The following JAM3 variants were observed in gnomAD, a reference collection of about 807,000 sequenced individuals.
The protein encoded by JAM3 is junctional adhesion molecule C.
In JAM3, 31 loss-of-function variants were observed where a neutral mutation model predicts 39.4. The ratio of observed to expected loss-of-function variants is 0.79; its 90% confidence interval spans 0.59 to 1.06. The LOEUF is 1.06. Among genes scored for constraint, JAM3 ranks in the 50% least tolerant of loss-of-function variants. JAM3 has a pLI of 0.00. For synonymous variants in JAM3, 182 were observed against 148.7 expected, an observed-to-expected ratio of 1.22 and a Z score of -1.63; for missense variants, 455 against 391.4, an observed-to-expected ratio of 1.16 and a Z score of -1.37.
intron 1 of JAM3, among the ~76,000 whole-genome samples, chr11:134,116,905 C>T (rs1230652301): frequency 6.6e-6 from 1 of 152,116 alleles, no homozygotes; most frequent in Non-Finnish European, 1.5e-5. Context: ...TTTCCCCTTG[C>T]ATATTCATTC....
chr11:134,085,893 G>T (rs533640483), intron 1 of JAM3, among the ~76,000 whole-genome samples: 43 of 152,292 alleles, frequency 2.8e-4, no homozygotes, highest in Admixed American at 1.2e-3. Flanking sequence ...TTTGGAAGGG[G>T]CTGACAAGTG....
Position 134,069,104 on chromosome 11 carries a change from G to A in JAM3, c.21G>A (p.Pro7=), listed in dbSNP as rs1247799635. The change falls in exon 1 of 9, where the codon CCG becomes CCA. Residue 7 remains proline (P), a synonymous_variant. Coordinates refer to ENST00000299106, the MANE Select transcript of JAM3 (RefSeq NM_032801.5). ...TCGACATGGCGCTGAGGCGGCCACCGCGACTCCGGCTCTGCGCTCGGCTGC... is the reference window on the plus strand; with the variant it reads ...TCGACATGGCGCTGAGGCGGCCACCACGACTCCGGCTCTGCGCTCGGCTGC... The part of the protein sequence containing the change: MALRRP[P]RLRLCARLPD... The A allele has an allele frequency of 1.9e-6, 3 of 1,612,010 alleles. No individual in the cohort carries two copies. Among genetic ancestry groups the A allele is most frequent in the Non-Finnish European group, 8.5e-7 (1 of 1,179,242 alleles).
At chr11:134,141,468 G>A (rs1942971604) in intron 3 of JAM3, among the ~76,000 whole-genome samples, 1 of 152,042 alleles carries the variant, frequency 6.6e-6, no homozygotes, top group Non-Finnish European at 1.5e-5. Context: ...GGGGGAGAGG[G>A]GCTGGAGAGG....
intron 1 of JAM3, among the ~76,000 whole-genome samples, chr11:134,120,365 T>A (rs1942508959): frequency 1.3e-5 from 2 of 152,144 alleles, no homozygotes; most frequent in Admixed American, 1.3e-4. Flanking sequence ...TAAATATAAC[T>A]CCTTAGAGAG....
intron 1 of JAM3, among the ~76,000 whole-genome samples, chr11:134,104,549 A>G (rs1023986957): frequency 7.2e-5 from 11 of 152,092 alleles, no homozygotes; most frequent in African/African-American, 2.7e-4. Flanking sequence ...AAACCCTTCA[A>G]AAAAATCAAT....
intron 5 of JAM3, 110 bp downstream of exon 5, chr11:134,145,104 G>A (rs1943047678): frequency 5.4e-6 from 5 of 921,190 alleles, no homozygotes; most frequent in Middle Eastern, 2.1e-4. Context: ...TAAGACAGGA[G>A]TCAAAAATCT....
At chr11:134,130,694 C>T (rs145947287) in intron 1 of JAM3, among the ~76,000 whole-genome samples, 18 of 152,346 alleles carry the variant, frequency 1.2e-4, no homozygotes, top group Non-Finnish European at 2.1e-4. Context: ...GCCCTACCCT[C>T]TCCCTGGCAT....
At chr11:134,070,295 C>G in intron 1 of JAM3, 1 of 438,238 alleles carries the variant, frequency 2.3e-6, no homozygotes, top group East Asian at 7.0e-5. Flanking sequence ...AGACCAGGAC[C>G]TTTTTCGGTT....
At chr11:134,106,925 G>A (rs1385155449) in intron 1 of JAM3, among the ~76,000 whole-genome samples, 10 of 152,140 alleles carry the variant, frequency 6.6e-5, no homozygotes, top group Admixed American at 2.6e-4. Flanking sequence ...ACAGTGTGGC[G>A]ATTCCTCAGG....
chr11:134,109,344 A>T (rs1774186750), intron 1 of JAM3, among the ~76,000 whole-genome samples: 1 of 152,024 alleles, frequency 6.6e-6, no homozygotes, highest in African/African-American at 2.4e-5. Context: ...AAAAAAAATT[A>T]GGAAGAAGTA....
intron 1 of JAM3, among the ~76,000 whole-genome samples, chr11:134,119,830 CATG>C (rs1364344606): frequency 6.6e-6 from 1 of 152,182 alleles, no homozygotes; most frequent in Admixed American, 6.5e-5. Context: ...TTTGGAATTC[CATG>C]ATACTTGGTT....
intron 1 of JAM3, among the ~76,000 whole-genome samples, chr11:134,092,329 T>A (rs1284596494): frequency 6.7e-6 from 1 of 149,330 alleles, no homozygotes; most frequent in Non-Finnish European, 1.5e-5. Flanking sequence ...GGGAAGCTTC[T>A]CCTGAACCCT....
At chr11:134,128,050 T>TG (rs991099485) in intron 1 of JAM3, among the ~76,000 whole-genome samples, 27 of 152,090 alleles carry the variant, frequency 1.8e-4, no homozygotes, top group African/African-American at 6.0e-4. Flanking sequence ...AATCAGTCTT[T>TG]GGGGTGTTGC....
intron 1 of JAM3, among the ~76,000 whole-genome samples, chr11:134,115,692 A>T (rs1042522792): frequency 3.9e-5 from 6 of 152,204 alleles, no homozygotes; most frequent in African/African-American, 1.4e-4. Context: ...ACTTGAGCCC[A>T]GGAGTTTGAG....
intron 1 of JAM3, among the ~76,000 whole-genome samples, chr11:134,133,872 A>T (rs1942813408): frequency 6.6e-6 from 1 of 152,230 alleles, no homozygotes; most frequent in African/African-American, 2.4e-5. Context: ...TACAAGGCAT[A>T]CTAAAAAGCA....
intron 1 of JAM3, among the ~76,000 whole-genome samples, chr11:134,082,619 C>G (rs943656095): frequency 2.0e-5 from 3 of 152,162 alleles, no homozygotes; most frequent in Non-Finnish European, 2.9e-5. Flanking sequence ...GTGAGATATG[C>G]CTTTCACCTT....
In JAM3 at chr11:134,145,943, C is replaced by T. The variant is rs1000117499; in HGVS notation, c.613-3C>T. ...ATTATTTACTTGTCATTCCCTGAAACAGGTGTTCACTGCTGTTCACAAGGA... is the reference window on the plus strand; with the variant it reads ...ATTATTTACTTGTCATTCCCTGAAATAGGTGTTCACTGCTGTTCACAAGGA... On this transcript the variant is annotated splice_region_variant and splice_polypyrimidine_tract_variant and intron_variant, in intron 5 of 8. Coordinates refer to ENST00000299106, the MANE Select transcript of JAM3 (RefSeq NM_032801.5). The T allele has an allele frequency of 1.9e-6, 3 of 1,601,438 alleles. No homozygotes were observed. Among genetic ancestry groups the T allele is most frequent in the African/African-American group, 1.3e-5 (1 of 74,614 alleles).
At chr11:134,148,466 AAGG>A (rs1465551212) in intron 6 of JAM3, 78 bp from the exon 7 acceptor site, 2 of 1,597,848 alleles carry the variant, frequency 1.3e-6, no homozygotes, top group African/African-American at 1.3e-5. Flanking sequence ...GGGGTGAAGG[AAGG>A]AGGCACAGCA....
chr11:134,140,399 C>T (rs1013699377), intron 2 of JAM3, among the ~76,000 whole-genome samples: 6 of 152,014 alleles, frequency 3.9e-5, no homozygotes, highest in East Asian at 1.9e-4. Context: ...TGTGAGCCAC[C>T]GCGCCTGGCC....
Sources: allele counts gnomAD v4.1 joint callset (sites outside exome capture counted in the v4.1 genomes callset), GRCh38; gene constraint gnomAD v4.1.1; transcripts MANE v1.5; gene names NCBI Gene and HGNC (gene_info 2026-07-23, HGNC 2026-07-21).